The following PTPRR variants were observed in gnomAD, a reference collection of about 807,000 sequenced individuals.
The protein encoded by PTPRR is protein tyrosine phosphatase receptor type R, also known as receptor-type tyrosine-protein phosphatase R.
PTPRR carries 38 observed loss-of-function variants against 77.2 expected under a neutral mutation model. The observed-to-expected ratio is 0.49, with a 90% CI of 0.38 to 0.65. PTPRR has a LOEUF of 0.65. PTPRR is among the 30% of genes least tolerant of loss of function. PTPRR has a pLI of 0.00. For synonymous variants in PTPRR, 299 were observed against 283.1 expected (o/e 1.06, Z -0.57); for missense variants, 744 against 799.2 (o/e 0.93, Z 0.83).
At chr12:70,898,454 T>A (rs910721919) in intron 1 of PTPRR, among the ~76,000 whole-genome samples, 3 of 149,764 alleles carry the variant, frequency 2.0e-5, no homozygotes, top group African/African-American at 7.3e-5. Context: ...TAGTCTTTTT[T>A]TAACTCCTTG....
intron 2 of PTPRR, among the ~76,000 whole-genome samples, chr12:70,839,548 GTTAA>G (rs1340518086): frequency 6.6e-6 from 1 of 152,186 alleles, no homozygotes; most frequent in African/African-American, 2.4e-5. Context: ...CATTGGTTTA[GTTAA>G]TTAAAGTTAA....
intron 6 of PTPRR, among the ~76,000 whole-genome samples, chr12:70,706,032 A>C (rs1888606489): frequency 7.3e-6 from 1 of 136,340 alleles, no homozygotes; most frequent in African/African-American, 2.6e-5. Context: ...CAGAATGAAA[A>C]AGGAAAAAAA....
intron 4 of PTPRR, 107 bp downstream of exon 4, chr12:70,761,364 A>G: frequency 9.4e-7 from 1 of 1,066,820 alleles, no homozygotes; most frequent in Non-Finnish European, 1.3e-6. Flanking sequence ...TTTATTATCA[A>G]ATAACATACA....
chr12:70,790,143 GA>G, intron 2 of PTPRR, among the ~76,000 whole-genome samples: 1 of 152,090 alleles, frequency 6.6e-6, no homozygotes, highest in South Asian at 2.1e-4. Context: ...AACAAAAGCT[GA>G]ACAAATCCAA....
chr12:70,787,663 C>T (rs918950309), intron 2 of PTPRR, among the ~76,000 whole-genome samples: 4 of 152,148 alleles, frequency 2.6e-5, no homozygotes, highest in Non-Finnish European at 5.9e-5. Flanking sequence ...TTATTACCTG[C>T]TCATGTCTCA....
chr12:70,765,742 G>C (rs1243742322), intron 2 of PTPRR, among the ~76,000 whole-genome samples: 1 of 152,168 alleles, frequency 6.6e-6, no homozygotes, highest in African/African-American at 2.4e-5. Context: ...CCCCTGAGCA[G>C]GCTAACTGGG....
chr12:70,853,659 T>C (rs1892607185), intron 2 of PTPRR, among the ~76,000 whole-genome samples: 1 of 152,206 alleles, frequency 6.6e-6, no homozygotes, highest in South Asian at 2.1e-4. Flanking sequence ...TGGGGTCCTA[T>C]TGTGCCTATC....
At chr12:70,919,926 C>G (rs1170554816) in intron 1 of PTPRR, among the ~76,000 whole-genome samples, 1 of 151,844 alleles carries the variant, frequency 6.6e-6, no homozygotes, top group Non-Finnish European at 1.5e-5. Context: ...CTCGCTAGAC[C>G]AAGAGACCTT....
intron 13 of PTPRR, among the ~76,000 whole-genome samples, chr12:70,652,422 T>G (rs1214147246): frequency 2.0e-5 from 3 of 152,124 alleles, no homozygotes; most frequent in Non-Finnish European, 4.4e-5. Context: ...GGAAAACATA[T>G]GTTGATCCTG....
chr12:70,673,032 A>AAAAG, intron 10 of PTPRR: 1 of 248,022 alleles, frequency 4.0e-6, no homozygotes, highest in Non-Finnish European at 6.4e-6. Context: ...GGGCCAAAGC[A>AAAAG]AAAAAAAAAA....
intron 2 of PTPRR, among the ~76,000 whole-genome samples, chr12:70,848,991 A>G (rs998368688): frequency 2.6e-5 from 4 of 152,158 alleles, no homozygotes; most frequent in African/African-American, 9.6e-5. Flanking sequence ...TAATTTTTTT[A>G]TCTTGCCCAC....
intron 2 of PTPRR, among the ~76,000 whole-genome samples, chr12:70,765,056 C>T (rs1312988973): frequency 2.6e-5 from 4 of 152,174 alleles, no homozygotes; most frequent in African/African-American, 7.2e-5. Flanking sequence ...GGAACAGCTC[C>T]AGTCTACAGC....
intron 10 of PTPRR, among the ~76,000 whole-genome samples, chr12:70,675,305 A>AT (rs1269505510): frequency 5.3e-5 from 8 of 151,424 alleles, no homozygotes; most frequent in Non-Finnish European, 1.0e-4. Flanking sequence ...TATGATTTGG[A>AT]TTTTTTTCTA....
At chr12:70,806,166 A>G (rs775866214) in intron 2 of PTPRR, among the ~76,000 whole-genome samples, 41 of 152,182 alleles carry the variant, frequency 2.7e-4, no homozygotes, top group Non-Finnish European at 3.8e-4. Context: ...AGATCCATTC[A>G]CTTGCATCCA....
intron 4 of PTPRR, among the ~76,000 whole-genome samples, chr12:70,760,047 T>C (rs1299550713): frequency 1.3e-5 from 2 of 152,222 alleles, no homozygotes; most frequent in East Asian, 3.9e-4. Flanking sequence ...GGAAGACCAG[T>C]TGGGGGTGGT....
chr12:70,735,708 T>G (rs112488152), intron 6 of PTPRR, among the ~76,000 whole-genome samples: 329 of 152,324 alleles, frequency 2.2e-3, no homozygotes, highest in African/African-American at 7.4e-3. Context: ...AGATTTTTAT[T>G]TCTTTGTGAC....
intron 6 of PTPRR, among the ~76,000 whole-genome samples, chr12:70,716,392 C>A (rs1187595798): frequency 2.0e-5 from 3 of 149,388 alleles, no homozygotes; most frequent in Non-Finnish European, 3.0e-5. Flanking sequence ...AAATTATATA[C>A]ATGTACTATT....
rs144723800 is a variant in PTPRR, at chr12:70,677,900, G to C, written c.1497+6227C>G. Reference sequence around the variant, plus strand: ...AGTCCTTGTCTGGTTTGGGTGCTAGGGTAATGCTGGCCTTGTAGAATGAGT... The same window carrying C: ...AGTCCTTGTCTGGTTTGGGTGCTAGCGTAATGCTGGCCTTGTAGAATGAGT... On this transcript the variant is annotated intron_variant, in intron 10 of 13. Coordinates refer to ENST00000283228, the MANE Select transcript of PTPRR (RefSeq NM_002849.4). Among the ~76,000 whole-genome samples the C allele has an allele frequency of 5.9e-5, 9 of 152,228 alleles. No individual in the cohort carries two copies. In the East Asian group the frequency reaches 1.7e-3, roughly 29 times the overall value.
At chr12:70,748,172 T>G (rs558682840) in intron 5 of PTPRR, among the ~76,000 whole-genome samples, 1 of 152,268 alleles carries the variant, frequency 6.6e-6, no homozygotes, top group South Asian at 2.1e-4. Context: ...AAAATTTTTG[T>G]GGTGTAATCT....
Sources: allele counts gnomAD v4.1 joint callset (sites outside exome capture counted in the v4.1 genomes callset), GRCh38; gene constraint gnomAD v4.1.1; transcripts MANE v1.5; gene names NCBI Gene and HGNC (gene_info 2026-07-23, HGNC 2026-07-21).